The following PCDH15 variants were observed in gnomAD, a reference collection of about 807,000 sequenced individuals.
PCDH15 encodes the protein protocadherin related 15.
A neutral mutation model predicts 178.5 loss-of-function variants in PCDH15; 129 were observed. The ratio of observed to expected loss-of-function variants is 0.72; its 90% CI spans 0.63 to 0.84. The LOEUF (loss-of-function observed/expected upper bound fraction) is 0.84, where lower values mean the gene tolerates loss of function less well. Ranked by LOEUF, PCDH15 falls within the 40% of genes least tolerant of loss-of-function variation. The pLI, the probability that PCDH15 is intolerant of heterozygous loss-of-function variation, is 0.00. For synonymous variants in PCDH15, 800 were observed against 732.0 expected, an observed-to-expected ratio of 1.09 and a Z score of -1.50; for missense variants, 2,230 against 2,099.9, an observed-to-expected ratio of 1.06 and a Z score of -1.21.
intron 2 of PCDH15, among the ~76,000 whole-genome samples, chr10:55,135,574 CTTTTTTTTTTTTTTT>C (rs56956557): frequency 1.6e-4 from 11 of 68,236 alleles, no homozygotes; most frequent in African/African-American, 5.6e-4. Context: ...TCTTTTCTTT[CTTTTTTTTTTTTTTT>C]TTTTTTTTTT....
chr10:54,655,256 AAG>A (rs1173377441), intron 2 of PCDH15, among the ~76,000 whole-genome samples: 1,651 of 48,838 alleles, frequency 0.034, 21 homozygotes, highest in Admixed American at 0.083. Flanking sequence ...GAAAGAAAGA[AAG>A]AGAGAGAGAG....
At chr10:55,099,161 C>T (rs1402185888) in intron 2 of PCDH15, among the ~76,000 whole-genome samples, 1 of 152,002 alleles carries the variant, frequency 6.6e-6, no homozygotes, top group Non-Finnish European at 1.5e-5. Flanking sequence ...GTTCTGGCCT[C>T]TAGGGGTTCT....
chr10:54,995,901 C>A (rs1839632083), intron 2 of PCDH15, among the ~76,000 whole-genome samples: 1 of 152,100 alleles, frequency 6.6e-6, no homozygotes, highest in Non-Finnish European at 1.5e-5. Context: ...GGTTACATTT[C>A]TTTCCTGTTA....
intron 2 of PCDH15, among the ~76,000 whole-genome samples, chr10:55,121,851 G>C (rs1436276883): frequency 6.6e-6 from 1 of 152,014 alleles, no homozygotes; most frequent in Non-Finnish European, 1.5e-5. Context: ...CCAGCCTTCA[G>C]CAGACAGTAA....
rs184673007 is a variant in PCDH15 at position 54,497,574 on chromosome 10, G to A, written c.157+30238C>T. Among the ~76,000 whole-genome samples, 9 of 152,184 alleles carry A rather than the reference G, an allele frequency of 5.9e-5. No homozygotes were observed. The East Asian group carries it at 1.4e-3, about 23-fold the overall frequency. On this transcript the variant is annotated intron_variant, in intron 3 of 37. Coordinates refer to ENST00000644397, the MANE Select transcript of PCDH15 (RefSeq NM_001384140.1). ...AAAACAATCCAATATTTGAAAGATG[G>A]TACAGCTATTTTAAGACAGAACCAA...
chr10:55,297,913 G>A (rs1031161218), intron 1 of PCDH15, among the ~76,000 whole-genome samples: 1 of 152,056 alleles, frequency 6.6e-6, no homozygotes, highest in African/African-American at 2.4e-5. Context: ...CAGGAGACTG[G>A]AGGATCCTTT....
chr10:54,102,914 C>G (rs971950021), intron 15 of PCDH15, among the ~76,000 whole-genome samples: 1 of 152,188 alleles, frequency 6.6e-6, no homozygotes, highest in Non-Finnish European at 1.5e-5. Flanking sequence ...CAAGAATCAA[C>G]GTCAGCTCAG....
intron 1 of PCDH15, among the ~76,000 whole-genome samples, chr10:55,300,348 T>C (rs1228886397): frequency 2.0e-5 from 3 of 152,146 alleles, no homozygotes; most frequent in South Asian, 2.1e-4. Flanking sequence ...TATGTTGACA[T>C]GCATACCACA....
At chr10:55,443,897 A>G (rs749466427) in intron 2 of PCDH15, among the ~76,000 whole-genome samples, 3 of 152,166 alleles carry the variant, frequency 2.0e-5, no homozygotes, top group Admixed American at 6.5e-5. Flanking sequence ...ATGCCCATCA[A>G]TGTCAGGCTG....
At chr10:54,938,498 T>C (rs1333852646) in intron 2 of PCDH15, among the ~76,000 whole-genome samples, 4 of 152,108 alleles carry the variant, frequency 2.6e-5, no homozygotes, top group African/African-American at 9.7e-5. Context: ...TGGGGAGAAT[T>C]GGTATTAATT....
At chr10:53,974,770 A>T (rs918228119) in intron 21 of PCDH15, among the ~76,000 whole-genome samples, 5 of 148,348 alleles carry the variant, frequency 3.4e-5, no homozygotes, top group African/African-American at 1.2e-4. Context: ...CCTTTTTCTT[A>T]TTTTTTTTTT....
intron 17 of PCDH15, among the ~76,000 whole-genome samples, chr10:54,077,889 C>G (rs2094369632): frequency 6.6e-6 from 1 of 152,062 alleles, no homozygotes; most frequent in African/African-American, 2.4e-5. Flanking sequence ...ACGGTGAAAC[C>G]CTGTCTCTAC....
intron 1 of PCDH15, among the ~76,000 whole-genome samples, chr10:55,263,320 G>T (rs1842195629): frequency 6.6e-6 from 1 of 152,134 alleles, no homozygotes; most frequent in Admixed American, 6.5e-5. Context: ...TTTGCTACAG[G>T]CTGTGGCAAT....
chr10:53,831,241 G>A lies in PCDH15; in HGVS notation c.4202+74C>T, dbSNP rs570617720. 208 of 1,349,328 alleles carry A rather than the reference G, an allele frequency of 1.5e-4. 1 individual carries two copies. The African/African-American group carries it at 2.7e-3, about 17-fold the overall frequency. 83.6% of individuals were successfully genotyped at this position (1,349,328 alleles called of 1,614,324 possible). ...CACCATCAATATTTTACAACGCAAA[G>A]CCATGTTACCAGAGATGGTTTTCTG... On this transcript the variant is annotated intron_variant, in intron 30 of 37. Transcript: ENST00000644397.
At chr10:54,394,709 A>T (rs1215339424) in intron 3 of PCDH15, among the ~76,000 whole-genome samples, 1 of 152,096 alleles carries the variant, frequency 6.6e-6, no homozygotes, top group Non-Finnish European at 1.5e-5. Context: ...TTAGGCAGGA[A>T]TTTCCTCTTC....
Position 53,938,829 on chromosome 10 carries a change from C to T in PCDH15, c.3359G>A (p.Arg1120Gln), listed in dbSNP as rs770213240. 88 of 1,613,102 alleles carry T rather than the reference C, an allele frequency of 5.5e-5. No individual in the cohort carries two copies. Among genetic ancestry groups the T allele is most frequent in the South Asian group, 1.9e-4 (17 of 91,068 alleles). Residue 1120 changes from arginine to glutamine, a missense_variant, in exon 25 of 38, where the codon CGA becomes CAA. By Grantham distance (43) the Arg-to-Gln change is conservative (BLOSUM62 1). Transcript: ENST00000644397. ...DSLEVVLANL[R>Q]VPSKSNTAKV... ...GTATAACTTACTTTTTGAAGGAACT[C>T]GGAGATTGGCAAGGACCACTTCCAG...
intron 2 of PCDH15, among the ~76,000 whole-genome samples, chr10:55,346,859 CAGG>C (rs1380043731): frequency 1.3e-5 from 2 of 151,766 alleles, no homozygotes; most frequent in Non-Finnish European, 2.9e-5. Flanking sequence ...GCAGAGAATC[CAGG>C]AGAAGTTGGG....
intron 20 of PCDH15, among the ~76,000 whole-genome samples, chr10:54,003,736 C>CAAAAAAAAAA (rs55871741): frequency 2.6e-5 from 2 of 76,200 alleles, no homozygotes; most frequent in Non-Finnish European, 4.8e-5. Flanking sequence ...CAAACTATTC[C>CAAAAAAAAAA]AAAAAAAAAA....
intron 3 of PCDH15, among the ~76,000 whole-genome samples, chr10:54,843,289 G>T (rs1953450547): frequency 6.6e-6 from 1 of 151,910 alleles, no homozygotes; most frequent in Admixed American, 6.6e-5. Flanking sequence ...AGGGATTTGA[G>T]CCAAACAAAG....
Sources: allele counts gnomAD v4.1 joint callset (sites outside exome capture counted in the v4.1 genomes callset), GRCh38; gene constraint gnomAD v4.1.1; transcripts MANE v1.5; gene names NCBI Gene and HGNC (gene_info 2026-07-23, HGNC 2026-07-21).